Variants in SDE2 observed in about 807,000 individuals in gnomAD.
The protein encoded by SDE2 is splicing regulator SDE2.
A neutral mutation model predicts 46.9 loss-of-function variants in SDE2; 31 were observed. The ratio of observed to expected loss-of-function variants is 0.66; its 90% CI spans 0.50 to 0.89. The LOEUF (loss-of-function observed/expected upper bound fraction) is 0.89, where lower values mean the gene tolerates loss of function less well. SDE2 is among the 40% of genes least tolerant of loss of function. The pLI, the probability that SDE2 is intolerant of heterozygous loss-of-function variation, is 0.00. For missense variants in SDE2, 542 were observed against 564.4 expected, an observed-to-expected ratio of 0.96 and a Z score of 0.40; for synonymous variants, 205 against 204.3, an observed-to-expected ratio of 1.00 and a Z score of -0.03.
chr1:225,989,783 T>A (rs1349195140), intron 5 of SDE2, among the ~76,000 whole-genome samples: 1 of 151,112 alleles, frequency 6.6e-6, no homozygotes, highest in African/African-American at 2.4e-5. Flanking sequence ...CATTTATAAA[T>A]CCTATGCTTG....
At chr1:225,997,675 C>A (rs905080660) in intron 1 of SDE2, among the ~76,000 whole-genome samples, 1 of 152,058 alleles carries the variant, frequency 6.6e-6, no homozygotes, top group African/African-American at 2.4e-5. Context: ...AGGTGATCTG[C>A]CCGCCTCGAC....
Position 225,992,575 on chromosome 1 carries a change from T to C in SDE2, c.351-8A>G. The stretch of plus-strand genomic sequence containing the variant: ...TTTACCCATTCAGCCATTCTGGGGA[T>C]GAGGGAGGAAGAGATATAACTGAAT... On this transcript the variant is annotated splice_region_variant and splice_polypyrimidine_tract_variant and intron_variant, in intron 3 of 6. Coordinates refer to ENST00000272091, the MANE Select transcript of SDE2 (RefSeq NM_152608.4). 6.3e-7 allele frequency: 1 copy of C among 1,588,506 alleles called. No homozygotes were observed. The highest frequency in any genetic ancestry group is 1.7e-4 in the Middle Eastern group (1 of 5,876).
chr1:225,991,646 AGTTATTT>A (rs1371447632), intron 4 of SDE2, among the ~76,000 whole-genome samples: 1 of 152,166 alleles, frequency 6.6e-6, no homozygotes, highest in Non-Finnish European at 1.5e-5. Flanking sequence ...TCCCTGCGTT[AGTTATTT>A]GCATACACTT....
intron 2 of SDE2, 21 bp from the exon 3 acceptor site, chr1:225,993,023 A>G: frequency 7.2e-7 from 1 of 1,380,576 alleles, no homozygotes; most frequent in Non-Finnish European, 1.0e-6. Flanking sequence ...GTATTTGGAG[A>G]AAGCAGGTTA....
chr1:225,988,232 A>G lies in SDE2; in HGVS notation c.798T>C (p.Ser266=). The G allele has an allele frequency of 6.2e-7, 1 of 1,614,180 alleles. No individual in the cohort carries two copies. Among genetic ancestry groups the G allele is most frequent in the Middle Eastern group, 1.6e-4 (1 of 6,062 alleles). The change falls in exon 6 of 7, where the codon TCT becomes TCC. Residue 266 remains serine, a synonymous_variant. Coordinates refer to ENST00000272091, the MANE Select transcript of SDE2 (RefSeq NM_152608.4). ...CTGTATTCACTACTCTCGCCCTCTG[A>G]GAACCACTGGGAAATTTGGCTGCCA... ...VEMAAKFPSG[S]QRARVVNTDH... is the part of the protein sequence containing the mutation.
intron 6 of SDE2, 130 bp downstream of exon 6, chr1:225,987,766 T>A: frequency 1.1e-6 from 1 of 893,772 alleles, no homozygotes; most frequent in Non-Finnish European, 1.7e-6. Flanking sequence ...TTCACCATAA[T>A]CTGTACTTCT....
intron 6 of SDE2, among the ~76,000 whole-genome samples, chr1:225,987,352 T>A (rs1656290885): frequency 6.6e-6 from 1 of 152,272 alleles, no homozygotes; most frequent in African/African-American, 2.4e-5. Context: ...CGCACCTGGC[T>A]GAAGATGCCT....
In SDE2 at chr1:225,988,245, A is replaced by T; in HGVS notation, c.785T>A (p.Phe262Tyr). ...GSNGVEMAAK[F>Y]PSGSQRARVV... is the part of the protein sequence containing the mutation. The stretch of plus-strand genomic sequence containing the variant: ...TCTCGCCCTCTGAGAACCACTGGGA[A>T]ATTTGGCTGCCATCTCGACACCATT... The change falls in exon 6 of 7, where the codon TTT becomes TAT. Residue 262 changes from phenylalanine to tyrosine, a missense_variant. Physicochemically the swap from Phe to Tyr is conservative, Grantham distance 22. Around this residue, in one of 3 missense-constraint regions of SDE2, gnomAD observed 401 missense variants for 437.8 expected, o/e 0.92. Coordinates refer to ENST00000272091, the MANE Select transcript of SDE2 (RefSeq NM_152608.4). The T allele has an allele frequency of 1.2e-6, 2 of 1,614,176 alleles. No homozygotes were observed. The highest frequency in any genetic ancestry group is 1.7e-5 in the Admixed American group (1 of 60,016).
At chr1:225,996,132 G>C (rs1656519328) in intron 1 of SDE2, among the ~76,000 whole-genome samples, 1 of 152,212 alleles carries the variant, frequency 6.6e-6, no homozygotes, top group African/African-American at 2.4e-5. Flanking sequence ...AACAGGTGGA[G>C]AGATGGATTT....
rs368734310 is a variant in SDE2 at position 225,985,401 on chromosome 1, C to A, written c.1257G>T (p.Leu419=). Residue 419 remains leucine (L), a synonymous_variant, in exon 7 of 7, where the codon CTG becomes CTT. Transcript: ENST00000272091. ...AGAAGAGTCTTGCTGCCCGCTCCTG[C>A]AGAGTGCCCCCACATTTCAGTCCAA... The part of the protein sequence containing the change: ...MALGLKCGGT[L]QERAARLFSV... The A allele has an allele frequency of 1.2e-6, 2 of 1,614,206 alleles. No individual in the cohort carries two copies. Among genetic ancestry groups the A allele is most frequent in the African/African-American group, 2.7e-5 (2 of 75,060 alleles).
intron 6 of SDE2, among the ~76,000 whole-genome samples, chr1:225,986,089 G>A (rs1444439338): frequency 6.6e-6 from 1 of 152,132 alleles, no homozygotes; most frequent in Non-Finnish European, 1.5e-5. Flanking sequence ...AGCCCTTTGG[G>A]AGGTGGAGGC....
At chr1:225,995,228 A>T (rs780410847) in intron 2 of SDE2, 38 bp downstream of exon 2, 1 of 982,538 alleles carries the variant, frequency 1.0e-6, no homozygotes, top group East Asian at 2.4e-5. Flanking sequence ...AAAGACTGCA[A>T]ATGTGTTACA....
In SDE2 at chr1:225,999,285, T is replaced by C; in HGVS notation, c.28A>G (p.Ile10Val). ...TTGCACCCGAAGCCAGGGCCGCGAA[T>C]CCACACCAGCGCCGCGGCCTCCGCC... MAEAAALVW[I>V]RGPGFGCKAV... The change falls in exon 1 of 7, where the codon ATT becomes GTT. Residue 10 changes from isoleucine (I) to valine (V), a missense_variant. Around this residue, in one of 3 missense-constraint regions of SDE2, gnomAD observed 135 missense variants for 106.5 expected, o/e 1.27. Transcript: ENST00000272091. 6.2e-7 allele frequency: 1 copy of C among 1,612,202 alleles called. No homozygotes were observed. The highest frequency in any genetic ancestry group is 8.5e-7 in the Non-Finnish European group (1 of 1,179,386).
At chr1:225,988,465 T>C (rs1309934403) in intron 5 of SDE2, 77 bp from the exon 6 acceptor site, 1 of 1,477,890 alleles carries the variant, frequency 6.8e-7, no homozygotes, top group Non-Finnish European at 9.3e-7. Flanking sequence ...GCGCAGTGGC[T>C]CAGGCCTGTA....
rs778514010 is a variant in SDE2, at chr1:225,999,318, C to G, written c.-6G>C. ...AGCGCCGCGGCCTCCGCCATGTCAC[C>G]GACTACCCGAACCTCAAGCCTCTCT... On this transcript the variant is annotated 5_prime_UTR_variant, in exon 1 of 7. Transcript: ENST00000272091. The G allele has an allele frequency of 2.5e-6, 4 of 1,610,652 alleles. No individual in the cohort carries two copies. Among genetic ancestry groups the G allele is most frequent in the African/African-American group, 1.3e-5 (1 of 74,882 alleles).
Position 225,988,114 on chromosome 1 carries a change from C to T in SDE2, c.916G>A (p.Glu306Lys), listed in dbSNP as rs756546478. Residue 306 changes from glutamate (E) to lysine (K), a missense_variant, in exon 6 of 7, where the codon GAG (glutamate) becomes AAG (lysine). Physicochemically the swap from Glu to Lys is moderately conservative, Grantham distance 56. Around this residue, in one of 3 missense-constraint regions of SDE2, gnomAD observed 401 missense variants for 437.8 expected, o/e 0.92. Coordinates refer to ENST00000272091, the MANE Select transcript of SDE2 (RefSeq NM_152608.4). Reference sequence around the variant, plus strand: ...GTAACCATCCTGCTTTCCATGTGCTCTTTGGACTCCCCCAGCTCAGCACAT... The same window carrying T: ...GTAACCATCCTGCTTTCCATGTGCTTTTTGGACTCCCCCAGCTCAGCACAT... ...DSCAELGESK[E>K]HMESRMVTET... 5.0e-6 allele frequency: 8 copies of T among 1,614,064 alleles called. No homozygotes were observed. The South Asian group carries it at 7.7e-5, about 16-fold the overall frequency.
In SDE2 at chr1:225,992,572, G is replaced by T. The variant is rs985549233; in HGVS notation, c.351-5C>A. 6 of 1,587,882 alleles carry T rather than the reference G, an allele frequency of 3.8e-6. No homozygotes were observed. The African/African-American group carries it at 5.4e-5, about 14-fold the overall frequency. ...TGTTTTACCCATTCAGCCATTCTGG[G>T]GATGAGGGAGGAAGAGATATAACTG... On this transcript the variant is annotated splice_region_variant and splice_polypyrimidine_tract_variant and intron_variant, in intron 3 of 6. Coordinates refer to ENST00000272091, the MANE Select transcript of SDE2 (RefSeq NM_152608.4).
chr1:225,995,328 C>T lies in SDE2; in HGVS notation c.176G>A (p.Ser59Asn), dbSNP rs1261699272. 6 of 1,613,222 alleles carry T rather than the reference C, an allele frequency of 3.7e-6. No homozygotes were observed. Among genetic ancestry groups the T allele is most frequent in the African/African-American group, 1.3e-5 (1 of 74,904 alleles). Residue 59 changes from serine to asparagine, a missense_variant, in exon 2 of 7, where the codon AGT becomes AAT. Ser to Asn is a conservative substitution (Grantham distance 46). Transcript: ENST00000272091. ...VKCNGALINT[S>N]DTVQHGAVYS... The stretch of plus-strand genomic sequence containing the variant: ...AACAGCTCCATGCTGCACTGTGTCA[C>T]TGGTGTTAATGAGTGCTCCATTGCA...
At chr1:225,995,747 A>C (rs936328025) in intron 1 of SDE2, among the ~76,000 whole-genome samples, 1 of 152,240 alleles carries the variant, frequency 6.6e-6, no homozygotes, top group East Asian at 1.9e-4. Context: ...AGGTAAAATT[A>C]AATTGAACAT....
Sources: allele counts gnomAD v4.1 joint callset (sites outside exome capture counted in the v4.1 genomes callset), GRCh38; gene constraint gnomAD v4.1.1; regional missense constraint gnomAD v4.1.1; transcripts MANE v1.5; gene names NCBI Gene and HGNC (gene_info 2026-07-23, HGNC 2026-07-21).